The following ANGPTL1 variants were observed in gnomAD, a reference collection of about 807,000 sequenced individuals.
ANGPTL1 encodes angiopoietin like 1.
Under a neutral mutation model 46.7 loss-of-function variants are expected in ANGPTL1, and 36 were observed. The ratio of observed to expected loss-of-function variants is 0.77; its 90% CI spans 0.59 to 1.02. The LOEUF (loss-of-function observed/expected upper bound fraction) is 1.02. Ranked by LOEUF, ANGPTL1 falls within the 50% of genes least tolerant of loss-of-function variation. ANGPTL1 has a pLI of 0.00. For missense variants in ANGPTL1, 571 were observed against 594.7 expected, an observed-to-expected ratio of 0.96 and a Z score of 0.41; for synonymous variants, 221 against 204.3, an observed-to-expected ratio of 1.08 and a Z score of -0.69.
chr1:178,862,588 AT>A (rs111564790), intron 3 of ANGPTL1, among the ~76,000 whole-genome samples: 1 of 131,298 alleles, frequency 7.6e-6, no homozygotes. Flanking sequence ...GAGGAGTTGC[AT>A]TTTTTTTATT....
At chr1:178,858,891 A>G (rs1228913341) in intron 3 of ANGPTL1, among the ~76,000 whole-genome samples, 1 of 152,184 alleles carries the variant, frequency 6.6e-6, no homozygotes, top group Non-Finnish European at 1.5e-5. Flanking sequence ...TACAAAGAGA[A>G]TCCTTTTTAT....
chr1:178,853,937 A>G (rs566977690), intron 3 of ANGPTL1, 150 bp from the exon 4 acceptor site: 27 of 491,038 alleles, frequency 5.5e-5, no homozygotes, highest in Non-Finnish European at 8.3e-5. Context: ...ACTAAATAAA[A>G]GGGTGACTCC....
intron 3 of ANGPTL1, among the ~76,000 whole-genome samples, chr1:178,856,194 G>GATATATATATATATATAT (rs776840814): frequency 2.6e-4 from 26 of 99,132 alleles, no homozygotes; most frequent in Non-Finnish European, 4.0e-4. Context: ...CTTTTCCAGA[G>GATATATATATATATATAT]AGAGAGAGAT....
chr1:178,854,870 CT>C (rs1657424867), intron 3 of ANGPTL1, among the ~76,000 whole-genome samples: 1 of 152,158 alleles, frequency 6.6e-6, no homozygotes, highest in African/African-American at 2.4e-5. Flanking sequence ...TTTAGGGTGT[CT>C]GACTCTTGAA....
At chr1:178,860,469 A>T (rs1657926017) in intron 3 of ANGPTL1, among the ~76,000 whole-genome samples, 1 of 152,156 alleles carries the variant, frequency 6.6e-6, no homozygotes, top group Non-Finnish European at 1.5e-5. Context: ...TACTGTCTTC[A>T]CCATTTTTAA....
chr1:178,855,289 A>T (rs1354085132), intron 3 of ANGPTL1, among the ~76,000 whole-genome samples: 1 of 143,800 alleles, frequency 7.0e-6, no homozygotes, highest in Non-Finnish European at 1.5e-5. Context: ...TTCCGTGAGG[A>T]CAGAGACTTT....
At chr1:178,851,402 A>G (rs1657167807) in intron 5 of ANGPTL1, 86 bp from the exon 6 acceptor site, 1 of 1,234,202 alleles carries the variant, frequency 8.1e-7, no homozygotes, top group African/African-American at 1.6e-5. Context: ...TCTACCTTTA[A>G]TTTGAACTTC....
In ANGPTL1 at chr1:178,851,140, G is replaced by A; in HGVS notation, c.1465C>T (p.Pro489Ser). Residue 489 changes from proline (P) to serine (S), a missense_variant, in exon 6 of 6, where the codon CCT becomes TCT. Coordinates refer to ENST00000234816, the MANE Select transcript of ANGPTL1 (RefSeq NM_004673.4). ...GCGAGTGTCTCTCTTCAGTCAATAG[G>A]CTTGATCATCATCTGAACTGCTCTT... ...SLRAVQMMIK[P>S]ID The A allele has an allele frequency of 6.2e-7, 1 of 1,612,894 alleles. No individual in the cohort carries two copies. Among genetic ancestry groups the A allele is most frequent in the Non-Finnish European group, 8.5e-7 (1 of 1,179,512 alleles).
At chr1:178,864,531 AT>A (rs1420803075) in intron 3 of ANGPTL1, among the ~76,000 whole-genome samples, 1 of 152,128 alleles carries the variant, frequency 6.6e-6, no homozygotes, top group Non-Finnish European at 1.5e-5. Context: ...TGAAAGCAAA[AT>A]TTTACATGTT....
intron 3 of ANGPTL1, among the ~76,000 whole-genome samples, chr1:178,857,753 AT>A (rs1657687875): frequency 6.6e-6 from 1 of 152,148 alleles, no homozygotes; most frequent in South Asian, 2.1e-4. Flanking sequence ...GACAGTTTAC[AT>A]TTAAGTATAT....
Position 178,858,769 on chromosome 1 carries a change from G to C in ANGPTL1, c.824-4982C>G, listed in dbSNP as rs1657759214. Among the ~76,000 whole-genome samples the C allele has an allele frequency of 2.6e-5, 4 of 152,236 alleles. No homozygotes were observed. In the South Asian group the frequency reaches 8.3e-4, roughly 32 times the overall value. On this transcript the variant is annotated intron_variant, in intron 3 of 5. Transcript: ENST00000234816. ...ACCCATATTTTGAATAGAACAGTGA[G>C]TTAAAAAAGAAAAAAGGATTTCACA...
rs765650889 is a variant in ANGPTL1, at chr1:178,865,747, C to G, written c.30G>C (p.Val10=). ...CAGTGTCCACTAGTAGGAAGAATAGCACACCTAGGGTCCAGGTAAAAGTCT... is the reference window on the plus strand; with the variant it reads ...CAGTGTCCACTAGTAGGAAGAATAGGACACCTAGGGTCCAGGTAAAAGTCT... MKTFTWTLG[V]LFFLLVDTGH... is the part of the protein sequence containing the mutation. The change falls in exon 3 of 6, where the codon GTG becomes GTC. Residue 10 remains valine (V), a synonymous_variant. Coordinates refer to ENST00000234816, the MANE Select transcript of ANGPTL1 (RefSeq NM_004673.4). 3.7e-6 allele frequency: 6 copies of G among 1,611,142 alleles called. No individual in the cohort carries two copies. Among genetic ancestry groups the G allele is most frequent in the Non-Finnish European group, 5.1e-6 (6 of 1,179,346 alleles).
In ANGPTL1 at chr1:178,865,147, A is replaced by G. The variant is rs766020687; in HGVS notation, c.630T>C (p.His210=). Residue 210 remains histidine, a synonymous_variant, in exon 3 of 6, where the codon CAT becomes CAC. Transcript: ENST00000234816. ...CCACCTGGACAAGTGGGGGAGACAC[A>G]TGGGTGTCTTGTCGGGAAAATATCC... ...CLRIFSRQDT[H]VSPPLVQVVP... 3.1e-6 allele frequency: 5 copies of G among 1,601,804 alleles called. No individual in the cohort carries two copies. Among genetic ancestry groups the G allele is most frequent in the Non-Finnish European group, 1.7e-6 (2 of 1,172,214 alleles).
At chr1:178,852,135 C>T (rs1657213276) in intron 5 of ANGPTL1, among the ~76,000 whole-genome samples, 1 of 152,150 alleles carries the variant, frequency 6.6e-6, no homozygotes, top group Non-Finnish European at 1.5e-5. Flanking sequence ...TCCTTCATTT[C>T]TTGCGACTCT....
chr1:178,860,264 T>TTATTA (rs528628974), intron 3 of ANGPTL1, among the ~76,000 whole-genome samples: 3,261 of 152,262 alleles, frequency 0.021, 39 homozygotes, highest in Middle Eastern at 0.041. Flanking sequence ...TTGCAGCTTG[T>TTATTA]CAGGTGTATT....
intron 4 of ANGPTL1, 61 bp from the exon 5 acceptor site, chr1:178,853,014 C>T (rs2102296246): frequency 1.3e-6 from 2 of 1,537,488 alleles, no homozygotes; most frequent in Admixed American, 2.1e-5. Flanking sequence ...AACATTTTTA[C>T]AGAGCAGTGT....
At chr1:178,860,585 AAAC>A (rs1363360008) in intron 3 of ANGPTL1, among the ~76,000 whole-genome samples, 1 of 152,172 alleles carries the variant, frequency 6.6e-6, no homozygotes, top group Non-Finnish European at 1.5e-5. Flanking sequence ...AATAACCATT[AAAC>A]AACTCCCCAT....
chr1:178,849,749 T>C lies in ANGPTL1; in HGVS notation c.*1380A>G, dbSNP rs928727478. The C allele has an allele frequency of 1.3e-5, 2 of 152,234 alleles. No individual in the cohort carries two copies. The highest frequency in any genetic ancestry group is 1.9e-4 in the East Asian group (1 of 5,200). 9.4% of individuals were successfully genotyped at this position (152,234 alleles called of 1,614,324 possible). A position where few individuals can be genotyped will look rare whatever the true frequency, so the allele number is the denominator to read the frequency against. On this transcript the variant is annotated 3_prime_UTR_variant, in exon 6 of 6. Transcript: ENST00000234816. The stretch of plus-strand genomic sequence containing the variant: ...TTAATTTGTTTCACCAGAAGTTTTA[T>C]TTTGAGATGTGGCAGATGAAAAACA...
At position 178,865,604 on chromosome 1, in the gene ANGPTL1, T is replaced by G. The variant is rs762034137; in HGVS notation, c.173A>C (p.Gln58Pro). 1 of 1,614,060 alleles carries G rather than the reference T, an allele frequency of 6.2e-7. No individual in the cohort carries two copies. Among genetic ancestry groups the G allele is most frequent in the Admixed American group, 1.7e-5 (1 of 60,000 alleles). The change falls in exon 3 of 6, where the codon CAA becomes CCA. Residue 58 changes from glutamine (Q) to proline (P), a missense_variant. By Grantham distance (76) the Gln-to-Pro change is moderately conservative (BLOSUM62 -1). Coordinates refer to ENST00000234816, the MANE Select transcript of ANGPTL1 (RefSeq NM_004673.4). ...KCAYTFLVPE[Q>P]RITGPICVNT... ...GACACAGATTGGCCCTGTTATTCTT[T>G]GTTCAGGTACCAGGAATGTGTATGC...
Sources: allele counts gnomAD v4.1 joint callset (sites outside exome capture counted in the v4.1 genomes callset), GRCh38; gene constraint gnomAD v4.1.1; transcripts MANE v1.5; gene names NCBI Gene and HGNC (gene_info 2026-07-23, HGNC 2026-07-21).